The following ADCY7 variants were observed in gnomAD, a reference collection of about 807,000 sequenced individuals.
The protein encoded by ADCY7 is adenylate cyclase 7, also known as adenylate cyclase type 7.
In ADCY7, 72 loss-of-function variants were observed where a neutral mutation model predicts 120.6. That is an observed-to-expected ratio of 0.60 (90% CI 0.49 to 0.73). The LOEUF is 0.73. Ranked by LOEUF, ADCY7 falls within the 30% of genes least tolerant of loss-of-function variation. ADCY7 has a pLI of 0.00. For missense variants in ADCY7, 1,227 were observed against 1,486.0 expected, an observed-to-expected ratio of 0.83 and a Z score of 2.87; for synonymous variants, 661 against 628.0, an observed-to-expected ratio of 1.05 and a Z score of -0.78.
At position 50,314,287 on chromosome 16, in the gene ADCY7, C is replaced by CGCTGTGG. The variant is rs1474683579; in HGVS notation, c.2857-3_2857-2insTGTGGGC. 3.7e-6 allele frequency: 6 copies of CGCTGTGG among 1,613,130 alleles called. No homozygotes were observed. Among genetic ancestry groups the CGCTGTGG allele is most frequent in the Middle Eastern group, 1.6e-4 (1 of 6,084 alleles). On this transcript the variant is annotated splice_polypyrimidine_tract_variant and splice_region_variant and intron_variant, in intron 23 of 25. Transcript: ENST00000673801. ...CAAGGATCTGACCCACAGCCTGTCC[C>CGCTGTGG]GCAGGAGCTGGAGCGGCAGCATGCC...
intron 4 of ADCY7, among the ~76,000 whole-genome samples, chr16:50,292,241 C>T (rs764200069): frequency 1.3e-5 from 2 of 152,234 alleles, no homozygotes; most frequent in Non-Finnish European, 2.9e-5. Flanking sequence ...GGGGAGTACC[C>T]CAGGGCACTG....
At chr16:50,263,166 G>C (rs905753895), upstream of ADCY7, among the ~76,000 whole-genome samples, 2 of 152,188 alleles carry the variant, frequency 1.3e-5, no homozygotes, top group Admixed American at 1.3e-4. Context: ...AGGGATGATA[G>C]CAGGGCCTTC....
At chr16:50,282,631 T>C (rs1382204870) in intron 1 of ADCY7, among the ~76,000 whole-genome samples, 1 of 151,978 alleles carries the variant, frequency 6.6e-6, no homozygotes, top group African/African-American at 2.4e-5. Flanking sequence ...AAGAGGTTGG[T>C]GTTTTGGGAT....
chr16:50,300,178 C>T (rs1272580568), intron 8 of ADCY7, among the ~76,000 whole-genome samples: 1 of 152,198 alleles, frequency 6.6e-6, no homozygotes, highest in Non-Finnish European at 1.5e-5. Context: ...TCAAGCGATT[C>T]TCCTGTCTCA....
At chr16:50,295,573 C>G (rs1457403765) in intron 7 of ADCY7, among the ~76,000 whole-genome samples, 1 of 151,888 alleles carries the variant, frequency 6.6e-6, no homozygotes. Flanking sequence ...ACAGCATAGA[C>G]AAAGCCTGGA....
chr16:50,296,979 T>G (rs1332481360), intron 7 of ADCY7, among the ~76,000 whole-genome samples: 2 of 152,200 alleles, frequency 1.3e-5, no homozygotes, highest in African/African-American at 4.8e-5. Context: ...AGGTTGGGCC[T>G]CATGTGAGGC....
Position 50,311,697 on chromosome 16 carries a change from A to AC in ADCY7, c.2363dup (p.Ser789Ter), listed in dbSNP as rs1348729167. On this transcript the variant is annotated frameshift_variant, in exon 20 of 26. Coordinates refer to ENST00000673801, the MANE Select transcript of ADCY7 (RefSeq NM_001114.5). LOFTEE classifies it high-confidence loss of function. Reference sequence around the variant, plus strand: ...TGGGCCTCCCTTCGCATTCAGTGGCACCCCTAGCTGTTCCTGGAAGGACCT... The same window carrying AC: ...TGGGCCTCCCTTCGCATTCAGTGGCACCCCCTAGCTGTTCCTGGAAGGACCT... The AC allele has an allele frequency of 2.5e-6, 4 of 1,608,842 alleles. No individual in the cohort carries two copies. The highest frequency in any genetic ancestry group is 3.4e-6 in the Non-Finnish European group (4 of 1,178,390).
chr16:50,310,442 T>C (rs1404220530), intron 18 of ADCY7: 2 of 1,535,428 alleles, frequency 1.3e-6, no homozygotes, highest in Non-Finnish European at 1.7e-6. Context: ...CTGTGGTCTG[T>C]TGTATCCACA....
chr16:50,309,366 C>G (rs1005364569), intron 17 of ADCY7, among the ~76,000 whole-genome samples, 182 bp from the exon 18 acceptor site: 5 of 152,264 alleles, frequency 3.3e-5, no homozygotes, highest in Non-Finnish European at 5.9e-5. Flanking sequence ...CCCCTCTGCC[C>G]TCTGAACCTG....
chr16:50,311,832 T>A, intron 20 of ADCY7, 46 bp downstream of exon 20: 4 of 1,271,738 alleles, frequency 3.1e-6, no homozygotes, highest in East Asian at 2.7e-5. Context: ...TGCCCACTTT[T>A]CCTCACCTCC....
At chr16:50,248,067 A>G (rs2032644436) in intron 1 of ADCY7, among the ~76,000 whole-genome samples, 1 of 151,932 alleles carries the variant, frequency 6.6e-6, no homozygotes, top group Non-Finnish European at 1.5e-5. Flanking sequence ...GGAGGTCCTC[A>G]CAGGTCTGGT....
At chr16:50,247,576 C>T (rs1033890823) in intron 1 of ADCY7, among the ~76,000 whole-genome samples, 6 of 133,324 alleles carry the variant, frequency 4.5e-5, no homozygotes, top group Non-Finnish European at 9.3e-5. Context: ...CGCATGGTCT[C>T]ACTATGTTGT....
At chr16:50,300,499 G>A (rs2035643406) in intron 8 of ADCY7, among the ~76,000 whole-genome samples, 1 of 152,220 alleles carries the variant, frequency 6.6e-6, no homozygotes, top group Non-Finnish European at 1.5e-5. Context: ...CCTAGTCCTT[G>A]AGGTCAGCTG....
rs1466994542 is a variant in ADCY7 at position 50,316,414 on chromosome 16, C to T, written c.*909C>T. The T allele has an allele frequency of 3.3e-5, 5 of 152,378 alleles. No homozygotes were observed. Among genetic ancestry groups the T allele is most frequent in the Non-Finnish European group, 7.3e-5 (5 of 68,034 alleles). 9.4% of individuals were successfully genotyped at this position (152,378 alleles called of 1,614,324 possible). A position where few individuals can be genotyped will look rare whatever the true frequency, so the allele number is the denominator to read the frequency against. ...ACCTCTTCCTTGATTACTCACACATCTTTGCGTTCTCCCCTGCCGTCCTTC... is the reference window on the plus strand; with the variant it reads ...ACCTCTTCCTTGATTACTCACACATTTTTGCGTTCTCCCCTGCCGTCCTTC... On this transcript the variant is annotated 3_prime_UTR_variant, in exon 26 of 26. Transcript: ENST00000673801.
Position 50,314,232 on chromosome 16 carries a change from G to A in ADCY7, c.2857-60G>A, listed in dbSNP as rs141132254. Reference sequence around the variant, plus strand: ...ATCCTCAACAAGAGTGGCGCGCCAGGGCCCACTAGGTCTGGGGGCTCTGGA... The same window carrying A: ...ATCCTCAACAAGAGTGGCGCGCCAGAGCCCACTAGGTCTGGGGGCTCTGGA... On this transcript the variant is annotated intron_variant, in intron 23 of 25. Coordinates refer to ENST00000673801, the MANE Select transcript of ADCY7 (RefSeq NM_001114.5). The A allele has an allele frequency of 1.6e-3, 2,407 of 1,512,398 alleles. 3 individuals carry two copies. The highest frequency in any genetic ancestry group is 2.0e-3 in the Non-Finnish European group (2,225 of 1,090,278). 93.7% of individuals were successfully genotyped at this position (1,512,398 alleles called of 1,614,324 possible). A position where few individuals can be genotyped will look rare whatever the true frequency, so the allele number is the denominator to read the frequency against.
At position 50,309,599 on chromosome 16, in the gene ADCY7, C is replaced by T. The variant is rs1296971294; in HGVS notation, c.2113C>T (p.Leu705=). 1.2e-6 allele frequency: 2 copies of T among 1,613,244 alleles called. No individual in the cohort carries two copies. Among genetic ancestry groups the T allele is most frequent in the Admixed American group, 3.3e-5 (2 of 60,000 alleles). The change falls in exon 18 of 26, where the codon CTA becomes TTA. Residue 705 remains leucine, a synonymous_variant. Coordinates refer to ENST00000673801, the MANE Select transcript of ADCY7 (RefSeq NM_001114.5). ...GCTGCCTGTTGGCAATGAGACAGGC[C>T]TACTGGCCGCGAGCAGCAAGACAAG... ...PELPVGNETG[L]LAASSKTRAL...
intron 20 of ADCY7, 80 bp downstream of exon 20, chr16:50,311,866 G>C (rs1596992194): frequency 1.4e-6 from 2 of 1,393,536 alleles, no homozygotes; most frequent in East Asian, 4.6e-5. Context: ...GTGGGGTGGG[G>C]TGGGCTCAGG....
At chr16:50,265,201 T>C (rs1039642929), upstream of ADCY7, among the ~76,000 whole-genome samples, 1 of 152,174 alleles carries the variant, frequency 6.6e-6, no homozygotes, top group Non-Finnish European at 1.5e-5. Flanking sequence ...GACTTTCTCC[T>C]AGTCAGTGGC....
In ADCY7 at chr16:50,307,012, T is replaced by C. The variant is rs547765371; in HGVS notation, c.1753-38T>C. On this transcript the variant is annotated intron_variant, in intron 14 of 25. Transcript: ENST00000673801. ...TGGAGGCAGGGTGGGCAAGTGGCAC[T>C]GCTGGTGGCCACCCCTCACAGTCCC... The C allele has an allele frequency of 4.5e-6, 7 of 1,554,364 alleles. No individual in the cohort carries two copies. In the East Asian group the frequency reaches 1.4e-4, roughly 30 times the overall value.
Sources: gnomAD v4.1 joint callset for allele counts (sites outside exome capture counted in the v4.1 genomes callset) on GRCh38, gnomAD v4.1.1 for gene constraint, MANE v1.5 for transcripts, NCBI Gene and HGNC (gene_info 2026-07-23, HGNC 2026-07-21) for gene names.